Variants in BMP7 observed in about 807,000 individuals in gnomAD.
BMP7 encodes osteogenic protein 1.
In BMP7, 12 loss-of-function variants were observed where a neutral mutation model predicts 41.2. The observed-to-expected ratio is 0.29, with a 90% CI of 0.19 to 0.47. The LOEUF is 0.47. BMP7 is among the 20% of genes least tolerant of loss of function. BMP7 has a pLI of 0.99. For synonymous variants in BMP7, 248 were observed against 250.0 expected (o/e 0.99, Z 0.07); for missense variants, 467 against 606.0 (o/e 0.77, Z 2.41).
At chr20:57,202,712 TGGGAG>T in intron 2 of BMP7, 89 bp from the exon 3 acceptor site, 1 of 531,268 alleles carries the variant, frequency 1.9e-6, no homozygotes, top group Non-Finnish European at 3.5e-6. Context: ...CCTCATGGGG[TGGGAG>T]GGGAGGGAAA....
rs780738237 is a variant in BMP7 at position 57,202,519 on chromosome 20, G to A, written c.716C>T (p.Pro239Leu). Residue 239 changes from proline to leucine, a missense_variant, in exon 3 of 7, where the codon CCG becomes CTG. Around this residue, in one of 2 missense-constraint regions of BMP7, gnomAD observed 407 missense variants for 485.9 expected, o/e 0.84. Coordinates refer to ENST00000395863, the MANE Select transcript of BMP7 (RefSeq NM_001719.3). Reference sequence around the variant, plus strand: ...GAGCTGCAGGCCCAGGTTGTGCCGCGGATTGACCACCCAGTGGTTGCTGGT... The same window carrying A: ...GAGCTGCAGGCCCAGGTTGTGCCGCAGATTGACCACCCAGTGGTTGCTGGT... ...TATSNHWVVN[P>L]RHNLGLQLSV... 6.8e-6 allele frequency: 11 copies of A among 1,609,678 alleles called. No homozygotes were observed. The highest frequency in any genetic ancestry group is 6.7e-5 in the East Asian group (3 of 44,826).
chr20:57,211,623 G>A (rs1376970278), intron 2 of BMP7, among the ~76,000 whole-genome samples: 1 of 152,180 alleles, frequency 6.6e-6, no homozygotes, highest in Admixed American at 6.5e-5. Flanking sequence ...GATTATCCTG[G>A]ATTATCCTCA....
At chr20:57,207,829 T>G (rs1215234611) in intron 2 of BMP7, among the ~76,000 whole-genome samples, 8 of 141,098 alleles carry the variant, frequency 5.7e-5, no homozygotes, top group African/African-American at 2.1e-4. Context: ...TTTTTTTTTT[T>G]TTTTTTTTTT....
At chr20:57,237,215 AG>A (rs2066051269) in intron 1 of BMP7, among the ~76,000 whole-genome samples, 1 of 152,202 alleles carries the variant, frequency 6.6e-6, no homozygotes, top group African/African-American at 2.4e-5. Flanking sequence ...CACTTTAATG[AG>A]GATGAAGCTC....
At position 57,174,947 on chromosome 20, in the gene BMP7, C is replaced by G; in HGVS notation, c.1019G>C (p.Arg340Pro). ...GCCCCTTACCTGCCAGCCCAGGTCT[C>G]GGAAGCTGACATACAGCTCGTGCTT... ...CKKHELYVSF[R>P]DLGWQDWIIA... Residue 340 changes from arginine to proline, a missense_variant, in exon 5 of 7, where the codon CGA (arginine) becomes CCA (proline). By Grantham distance (103) the Arg-to-Pro change is moderately radical (BLOSUM62 -2). Transcript: ENST00000395863. This position sits in a 1 kb window ranked among gnomAD's most constrained non-coding sequence, Gnocchi z 4.3. The G allele has an allele frequency of 6.2e-7, 1 of 1,611,916 alleles. No homozygotes were observed. Among genetic ancestry groups the G allele is most frequent in the East Asian group, 2.2e-5 (1 of 44,848 alleles).
At chr20:57,246,529 G>A (rs2066091320) in intron 1 of BMP7, among the ~76,000 whole-genome samples, 1 of 152,174 alleles carries the variant, frequency 6.6e-6, no homozygotes, top group South Asian at 2.1e-4. Flanking sequence ...AAGTGTAAGA[G>A]GGAAGTCTCC....
At chr20:57,242,700 A>G (rs567353186) in intron 1 of BMP7, among the ~76,000 whole-genome samples, 17 of 152,294 alleles carry the variant, frequency 1.1e-4, no homozygotes, top group Non-Finnish European at 2.4e-4. Flanking sequence ...TTTCATTGTA[A>G]TTAATTTAAA....
chr20:57,253,930 G>C (rs2066123778), intron 1 of BMP7, among the ~76,000 whole-genome samples: 1 of 151,136 alleles, frequency 6.6e-6, no homozygotes, highest in African/African-American at 2.4e-5. Context: ...ATTTGTTTCA[G>C]ACTGTACCAG....
chr20:57,195,410 A>C (rs1326800075), intron 3 of BMP7, among the ~76,000 whole-genome samples: 1 of 152,078 alleles, frequency 6.6e-6, no homozygotes, highest in Non-Finnish European at 1.5e-5. Flanking sequence ...CTTAGTTAAC[A>C]CTTGTGACAT....
chr20:57,185,395 T>C (rs556410713), intron 3 of BMP7, among the ~76,000 whole-genome samples: 12 of 152,150 alleles, frequency 7.9e-5, no homozygotes, highest in African/African-American at 2.7e-4. Flanking sequence ...GATTTAGGAC[T>C]GAATTTGGGA....
At chr20:57,236,770 A>T (rs2066049370) in intron 1 of BMP7, among the ~76,000 whole-genome samples, 1 of 151,976 alleles carries the variant, frequency 6.6e-6, no homozygotes, top group Admixed American at 6.6e-5. Flanking sequence ...GCATAAAAAA[A>T]AAAAAAACAC....
In BMP7 at chr20:57,171,208, A is replaced by G. The variant is rs989585407; in HGVS notation, c.1147-100T>C. On this transcript the variant is annotated intron_variant, in intron 6 of 6. Coordinates refer to ENST00000395863, the MANE Select transcript of BMP7 (RefSeq NM_001719.3). The surrounding 1 kb of genome is among the most constrained non-coding windows in gnomAD (Gnocchi z 4.5). Reference sequence around the variant, plus strand: ...AGAAACATCCTGTCTGGGCATAATGAATGACTGCAGGTGACACTCCCCAAG... The same window carrying G: ...AGAAACATCCTGTCTGGGCATAATGGATGACTGCAGGTGACACTCCCCAAG... The G allele has an allele frequency of 6.5e-6, 10 of 1,536,376 alleles. No homozygotes were observed. The South Asian group carries it at 1.2e-4, about 18-fold the overall frequency.
Position 57,228,642 on chromosome 20 carries a change from T to C in BMP7, c.419-221A>G, listed in dbSNP as rs1461349839. ...ATGGTCATCCTGAACGACAAGAGCA[T>C]GATTCTGCATCCAACCTGCTGGGAA... is the stretch of plus-strand genomic sequence containing the variant. On this transcript the variant is annotated intron_variant, in intron 1 of 6. Coordinates refer to ENST00000395863, the MANE Select transcript of BMP7 (RefSeq NM_001719.3). This position sits in a 1 kb window ranked among gnomAD's most constrained non-coding sequence, Gnocchi z 4.5. Among the ~76,000 whole-genome samples the C allele has an allele frequency of 6.6e-6, 1 of 152,208 alleles. No individual in the cohort carries two copies. The highest frequency in any genetic ancestry group is 2.4e-5 in the African/African-American group (1 of 41,460).
intron 1 of BMP7, among the ~76,000 whole-genome samples, chr20:57,265,042 AAAAAG>A (rs569220331): frequency 1.7e-5 from 2 of 120,156 alleles, no homozygotes; most frequent in Admixed American, 9.0e-5. Context: ...AAAAAAAAAA[AAAAAG>A]AAAAGAAAAG....
At chr20:57,234,434 G>C (rs529916997) in intron 1 of BMP7, among the ~76,000 whole-genome samples, 1 of 152,270 alleles carries the variant, frequency 6.6e-6, no homozygotes, top group East Asian at 1.9e-4. Flanking sequence ...AGACCTGCTG[G>C]GTTGATCCCC....
At chr20:57,190,819 C>A (rs1431098918) in intron 3 of BMP7, among the ~76,000 whole-genome samples, 4 of 152,172 alleles carry the variant, frequency 2.6e-5, no homozygotes, top group African/African-American at 9.7e-5. Context: ...GCACAGAAGC[C>A]AGCTTTAACG....
intron 6 of BMP7, 27 bp downstream of exon 6, chr20:57,173,173 C>T (rs748402363): frequency 1.2e-6 from 2 of 1,607,062 alleles, no homozygotes; most frequent in South Asian, 2.2e-5. Flanking sequence ...CCCAGGTGAC[C>T]ACACCCCAAG....
chr20:57,175,110 A>G (rs913477369), intron 4 of BMP7, 103 bp from the exon 5 acceptor site: 1 of 1,215,050 alleles, frequency 8.2e-7, no homozygotes, highest in Admixed American at 2.0e-5. Context: ...ACAGCAATGA[A>G]GCACAGACGG....
At chr20:57,173,111 T>C in intron 6 of BMP7, 89 bp downstream of exon 6, 1 of 1,363,476 alleles carries the variant, frequency 7.3e-7, no homozygotes, top group Non-Finnish European at 1.0e-6. Context: ...TGACATCTAC[T>C]CAGGCCCCAG....
Sources: gnomAD v4.1 joint callset for allele counts (sites outside exome capture counted in the v4.1 genomes callset) on GRCh38, gnomAD v4.1.1 for gene constraint, gnomAD v4.1.1 regional missense constraint, Gnocchi (gnomAD v3.1) non-coding constraint, MANE v1.5 for transcripts, NCBI Gene and HGNC (gene_info 2026-07-23, HGNC 2026-07-21) for gene names.